Variants in ARHGAP26 observed in about 807,000 individuals in gnomAD.
ARHGAP26 encodes rho GTPase-activating protein 26.
Under a neutral mutation model 104.8 loss-of-function variants are expected in ARHGAP26, and 38 were observed. The ratio of observed to expected loss-of-function variants is 0.36; its 90% CI spans 0.28 to 0.48. The LOEUF (loss-of-function observed/expected upper bound fraction) is 0.48. Among genes scored for constraint, ARHGAP26 ranks in the 20% least tolerant of loss-of-function variants. The pLI, the probability that ARHGAP26 is intolerant of heterozygous loss-of-function variation, is 0.99. For synonymous variants in ARHGAP26, 341 were observed against 340.0 expected, an observed-to-expected ratio of 1.00 and a Z score of -0.03; for missense variants, 704 against 947.9, an observed-to-expected ratio of 0.74 and a Z score of 3.38.
intron 17 of ARHGAP26, among the ~76,000 whole-genome samples, chr5:143,064,258 C>G (rs1787160513): frequency 6.6e-6 from 1 of 152,060 alleles, no homozygotes; most frequent in Non-Finnish European, 1.5e-5. Context: ...GGTCTCCTAC[C>G]TGCCTGGCCG....
intron 11 of ARHGAP26, among the ~76,000 whole-genome samples, chr5:142,937,728 A>C (rs1172388901): frequency 6.6e-6 from 1 of 152,224 alleles, no homozygotes; most frequent in Non-Finnish European, 1.5e-5. Context: ...GAAATGAACT[A>C]TTGGTACACA....
At chr5:142,891,529 T>C (rs1369387665) in intron 5 of ARHGAP26, among the ~76,000 whole-genome samples, 4 of 151,986 alleles carry the variant, frequency 2.6e-5, no homozygotes, top group African/African-American at 9.7e-5. Flanking sequence ...CTGTTTTCTT[T>C]ACTATGCTGT....
chr5:143,107,889 A>G (rs1248656744), intron 17 of ARHGAP26, among the ~76,000 whole-genome samples: 1 of 152,232 alleles, frequency 6.6e-6, no homozygotes, highest in Non-Finnish European at 1.5e-5. Context: ...TGAGGAGGAT[A>G]AATCAGGTTT....
intron 10 of ARHGAP26, among the ~76,000 whole-genome samples, chr5:142,913,667 A>AT (rs555854561): frequency 2.6e-5 from 4 of 152,072 alleles, no homozygotes; most frequent in African/African-American, 9.7e-5. Flanking sequence ...AGCTATTTGA[A>AT]TTTTTTTTAA....
Position 142,806,138 on chromosome 5 carries a change from G to A in ARHGAP26, c.154+35223G>A, listed in dbSNP as rs187049665. Among the ~76,000 whole-genome samples the A allele has an allele frequency of 5.6e-4, 86 of 152,306 alleles. No individual in the cohort carries two copies. The East Asian group carries it at 0.014, about 26-fold the overall frequency. ...AGACAGAGTCTTGCTGTTTTGCCCA[G>A]GCTGGAATGCAAGGCACAAAGACGG... On this transcript the variant is annotated intron_variant, in intron 1 of 22. Coordinates refer to ENST00000645722, the MANE Select transcript of ARHGAP26 (RefSeq NM_001135608.3).
chr5:142,782,703 G>A (rs535972819), intron 1 of ARHGAP26, among the ~76,000 whole-genome samples: 1 of 152,278 alleles, frequency 6.6e-6, no homozygotes, highest in African/African-American at 2.4e-5. Context: ...GACCTTTGGA[G>A]ATGAAACTGG....
At chr5:143,093,966 A>C (rs1405668849) in intron 17 of ARHGAP26, among the ~76,000 whole-genome samples, 2 of 151,650 alleles carry the variant, frequency 1.3e-5, no homozygotes, top group Non-Finnish European at 2.9e-5. Flanking sequence ...GGGATTTCTC[A>C]CCTCTTGTTG....
intron 1 of ARHGAP26, among the ~76,000 whole-genome samples, chr5:142,785,268 T>C (rs1758343426): frequency 6.6e-6 from 1 of 152,236 alleles, no homozygotes; most frequent in African/African-American, 2.4e-5. Flanking sequence ...CTCTTGATCT[T>C]GTGAAGCCAC....
chr5:143,052,574 A>C (rs1785199054), intron 14 of ARHGAP26, among the ~76,000 whole-genome samples: 1 of 152,146 alleles, frequency 6.6e-6, no homozygotes, highest in Admixed American at 6.5e-5. Flanking sequence ...CAAACATCAT[A>C]CAGGTACTGT....
intron 11 of ARHGAP26, among the ~76,000 whole-genome samples, chr5:142,971,504 C>T (rs905183742): frequency 1.3e-5 from 2 of 152,130 alleles, no homozygotes; most frequent in Non-Finnish European, 2.9e-5. Flanking sequence ...TAATTAGCAG[C>T]GCTGCAGGAA....
At chr5:142,953,132 C>T (rs111259878) in intron 11 of ARHGAP26, among the ~76,000 whole-genome samples, 2,420 of 152,288 alleles carry the variant, frequency 0.016, 70 homozygotes, top group African/African-American at 0.055. Flanking sequence ...ACAAAATGAA[C>T]GCCCACACCA....
intron 21 of ARHGAP26, chr5:143,207,538 G>A (rs961923868): frequency 1.9e-5 from 30 of 1,561,528 alleles, no homozygotes; most frequent in Non-Finnish European, 2.5e-5. Flanking sequence ...ACAACAGGGG[G>A]CTGCCCCTGC....
At chr5:143,129,184 A>G (rs553359449) in intron 18 of ARHGAP26, among the ~76,000 whole-genome samples, 42 of 152,368 alleles carry the variant, frequency 2.8e-4, no homozygotes, top group Admixed American at 2.0e-3. Context: ...GTTAAGATCA[A>G]TGTTTTGCAA....
chr5:142,932,228 T>A, intron 11 of ARHGAP26, 103 bp downstream of exon 11: 1 of 1,050,226 alleles, frequency 9.5e-7, no homozygotes, highest in Non-Finnish European at 1.5e-6. Flanking sequence ...CCTTGGGTTC[T>A]TGAAACCAGT....
chr5:142,915,985 C>T (rs1249576836), intron 10 of ARHGAP26, among the ~76,000 whole-genome samples: 1 of 152,162 alleles, frequency 6.6e-6, no homozygotes, highest in Non-Finnish European at 1.5e-5. Flanking sequence ...GCCCTGCTGT[C>T]CTGCCTTCCA....
At chr5:143,192,183 T>C (rs1383343744) in intron 20 of ARHGAP26, among the ~76,000 whole-genome samples, 3 of 152,176 alleles carry the variant, frequency 2.0e-5, no homozygotes, top group African/African-American at 4.8e-5. Flanking sequence ...CCCTTGAAGA[T>C]TCCAAGGAGA....
chr5:142,781,481 C>T (rs1757478580), intron 1 of ARHGAP26, among the ~76,000 whole-genome samples: 1 of 152,056 alleles, frequency 6.6e-6, no homozygotes, highest in Non-Finnish European at 1.5e-5. Flanking sequence ...GAGAGTCATT[C>T]TCTTCTTAAC....
chr5:142,954,418 A>G (rs1377261189), intron 11 of ARHGAP26, among the ~76,000 whole-genome samples: 1 of 152,204 alleles, frequency 6.6e-6, no homozygotes, highest in Non-Finnish European at 1.5e-5. Flanking sequence ...TTATAAATAA[A>G]TATGGTTTCT....
chr5:143,000,441 A>G (rs1777030489), intron 11 of ARHGAP26, among the ~76,000 whole-genome samples: 1 of 152,278 alleles, frequency 6.6e-6, no homozygotes, highest in Non-Finnish European at 1.5e-5. Context: ...CTCAGAAGTA[A>G]AAAGGACTAA....
Sources: allele counts gnomAD v4.1 joint callset (sites outside exome capture counted in the v4.1 genomes callset), GRCh38; gene constraint gnomAD v4.1.1; transcripts MANE v1.5; gene names NCBI Gene and HGNC (gene_info 2026-07-23, HGNC 2026-07-21).